The following SUSD3 variants were observed in gnomAD, a reference collection of about 807,000 sequenced individuals.
SUSD3 encodes sushi domain-containing protein 3.
In SUSD3, 18 loss-of-function variants were observed where a neutral mutation model predicts 20.6. The observed-to-expected ratio is 0.87, with a 90% confidence interval of 0.60 to 1.30. The LOEUF (loss-of-function observed/expected upper bound fraction) is 1.30. SUSD3 is among the 50% of genes most tolerant of loss of function. The pLI, the probability that SUSD3 is intolerant of heterozygous loss-of-function variation, is 0.00. For missense variants in SUSD3, 306 were observed against 346.9 expected (o/e 0.88, Z 0.94); for synonymous variants, 137 against 141.5 (o/e 0.97, Z 0.23).
chr9:93,063,663 A>G (rs1825592384), intron 1 of SUSD3, among the ~76,000 whole-genome samples: 1 of 152,096 alleles, frequency 6.6e-6, no homozygotes, highest in Non-Finnish European at 1.5e-5. Context: ...CACCCTGAGG[A>G]GGCAGGTCAG....
chr9:93,066,034 TG>T (rs1825697260), intron 1 of SUSD3, among the ~76,000 whole-genome samples: 1 of 152,152 alleles, frequency 6.6e-6, no homozygotes. Flanking sequence ...CCAGCATCCC[TG>T]GGAGGTTCTG....
intron 1 of SUSD3, among the ~76,000 whole-genome samples, chr9:93,062,697 G>A (rs1825555384): frequency 1.3e-5 from 2 of 152,146 alleles, no homozygotes; most frequent in South Asian, 4.1e-4. Flanking sequence ...GGGCTCAGGA[G>A]GTCAGTGAGG....
rs749384937 is a variant in SUSD3, at chr9:93,075,858, A to C, written c.163A>C (p.Thr55Pro). 1 of 1,609,518 alleles carries C rather than the reference A, an allele frequency of 6.2e-7. No homozygotes were observed. Among genetic ancestry groups the C allele is most frequent in the Non-Finnish European group, 8.5e-7 (1 of 1,179,124 alleles). The change falls in exon 2 of 5, where the codon ACC becomes CCC. Residue 55 changes from threonine to proline, a missense_variant. Thr to Pro is a conservative substitution (Grantham distance 38, BLOSUM62 -1). Transcript: ENST00000375472. Reference protein sequence around the residue: ...VLRGNGASVGTVLMFRCPSNH... With the variant: ...VLRGNGASVGPVLMFRCPSNH... ...TCGTGGCAATGGTGCTTCCGTGGGGACCGTGCTCATGTTCCGCTGCCCCTC... is the reference window on the plus strand; with the variant it reads ...TCGTGGCAATGGTGCTTCCGTGGGGCCCGTGCTCATGTTCCGCTGCCCCTC...
In SUSD3 at chr9:93,075,867, A is replaced by C; in HGVS notation, c.172A>C (p.Met58Leu). The C allele has an allele frequency of 6.2e-7, 1 of 1,613,266 alleles. No individual in the cohort carries two copies. Among genetic ancestry groups the C allele is most frequent in the Non-Finnish European group, 8.5e-7 (1 of 1,179,886 alleles). The part of the protein sequence containing the change: ...GNGASVGTVL[M>L]FRCPSNHQMV... Reference sequence around the variant, plus strand: ...TGGTGCTTCCGTGGGGACCGTGCTCATGTTCCGCTGCCCCTCCAACCACCA... The same window carrying C: ...TGGTGCTTCCGTGGGGACCGTGCTCCTGTTCCGCTGCCCCTCCAACCACCA... Residue 58 changes from methionine (M) to leucine (L), a missense_variant, in exon 2 of 5, where the codon ATG becomes CTG. By Grantham distance (15) the Met-to-Leu change is conservative. Coordinates refer to ENST00000375472, the MANE Select transcript of SUSD3 (RefSeq NM_145006.4).
intron 1 of SUSD3, chr9:93,069,032 T>C (rs1381963665): frequency 2.9e-6 from 2 of 684,424 alleles, no homozygotes; most frequent in Non-Finnish European, 5.4e-6. Flanking sequence ...AATATCTTAA[T>C]AGACGGTACT....
chr9:93,066,645 C>T (rs1293081256), intron 1 of SUSD3, among the ~76,000 whole-genome samples: 2 of 152,220 alleles, frequency 1.3e-5, no homozygotes, highest in African/African-American at 2.4e-5. Flanking sequence ...CTTTTTAAAT[C>T]ATAGAACTCA....
At chr9:93,078,140 C>T in intron 3 of SUSD3, 147 bp downstream of exon 3, 1 of 1,132,758 alleles carries the variant, frequency 8.8e-7, no homozygotes. Context: ...CTGCGTCTCC[C>T]CCCCAAGTGC....
intron 1 of SUSD3, among the ~76,000 whole-genome samples, chr9:93,059,519 T>C (rs12335489): frequency 0.014 from 2,130 of 152,306 alleles, 47 homozygotes; most frequent in African/African-American, 0.048. Context: ...CTGGCCTTGC[T>C]CCTTGAATGA....
intron 4 of SUSD3, among the ~76,000 whole-genome samples, chr9:93,082,590 T>C (rs149813520): frequency 0.057 from 8,632 of 152,268 alleles, 461 homozygotes; most frequent in African/African-American, 0.14. Flanking sequence ...GTGCTGGGAT[T>C]ACAGGCGTGA....
chr9:93,073,609 A>G (rs1826001158), intron 1 of SUSD3, among the ~76,000 whole-genome samples: 1 of 152,114 alleles, frequency 6.6e-6, no homozygotes, highest in South Asian at 2.1e-4. Context: ...AAATCAGGAA[A>G]TACCAGATAA....
chr9:93,077,851 C>T lies in SUSD3; in HGVS notation c.283C>T (p.Pro95Ser), dbSNP rs1826229502. Residue 95 changes from proline to serine, a missense_variant, in exon 3 of 5, where the codon CCA becomes TCA. By Grantham distance (74) the Pro-to-Ser change is moderately conservative. Coordinates refer to ENST00000375472, the MANE Select transcript of SUSD3 (RefSeq NM_145006.4). ...GGTGGTTGTCTCCCACACAGTGGTG[C>T]CACCACACGAGACCTTTGGCTTCAA... ...SSGSPVCKLVPPHETFGFKVA... is the reference protein window; with the variant it reads ...SSGSPVCKLVSPHETFGFKVA... 6.2e-6 allele frequency: 10 copies of T among 1,614,068 alleles called. No homozygotes were observed. Among genetic ancestry groups the T allele is most frequent in the Non-Finnish European group, 5.9e-6 (7 of 1,180,032 alleles).
chr9:93,077,166 T>C (rs1826199230), intron 2 of SUSD3, among the ~76,000 whole-genome samples: 1 of 152,198 alleles, frequency 6.6e-6, no homozygotes, highest in African/African-American at 2.4e-5. Context: ...CAGTAGAATC[T>C]GATGGAACTA....
chr9:93,080,318 C>CAAAAAAAAAAAAA (rs56134136), intron 4 of SUSD3, among the ~76,000 whole-genome samples: 1 of 56,752 alleles, frequency 1.8e-5, no homozygotes, highest in South Asian at 8.0e-4. Flanking sequence ...GACTCCGTCT[C>CAAAAAAAAAAAAA]AAAAAAAAAA....
Position 93,084,417 on chromosome 9 carries a change from G to T in SUSD3, c.558-120G>T, listed in dbSNP as rs1168799897. ...CCAGCAGGAGGAAACGGGCTCCCCAGTGCTCAGGGCAGCAGTTGCCCCAGG... is the reference window on the plus strand; with the variant it reads ...CCAGCAGGAGGAAACGGGCTCCCCATTGCTCAGGGCAGCAGTTGCCCCAGG... On this transcript the variant is annotated intron_variant, in intron 4 of 4. Transcript: ENST00000375472. The T allele has an allele frequency of 4.5e-6, 4 of 890,802 alleles. No individual in the cohort carries two copies. In the African/African-American group the frequency reaches 6.9e-5, roughly 15 times the overall value. 55.2% of individuals were successfully genotyped at this position (890,802 alleles called of 1,614,324 possible).
chr9:93,068,392 T>C (rs556251876), intron 1 of SUSD3, among the ~76,000 whole-genome samples: 1 of 152,338 alleles, frequency 6.6e-6, no homozygotes, highest in African/African-American at 2.4e-5. Context: ...GGGGTCCAGC[T>C]TCAGTTGTCC....
chr9:93,080,068 C>T (rs1300679974), intron 4 of SUSD3, among the ~76,000 whole-genome samples: 1 of 152,164 alleles, frequency 6.6e-6, no homozygotes, highest in Non-Finnish European at 1.5e-5. Context: ...TGGCTCACAC[C>T]TGTAATCCCA....
intron 1 of SUSD3, chr9:93,069,286 C>T: frequency 1.7e-6 from 1 of 578,898 alleles, no homozygotes; most frequent in South Asian, 2.2e-5. Context: ...TGCTTGTGTT[C>T]AGGCAACTCT....
At chr9:93,079,723 C>G in intron 4 of SUSD3, 121 bp downstream of exon 4, 1 of 1,059,160 alleles carries the variant, frequency 9.4e-7, no homozygotes, top group Non-Finnish European at 1.3e-6. Context: ...CTAGCCCACC[C>G]AGAACCTTAA....
chr9:93,079,975 C>T (rs1826342124), intron 4 of SUSD3, among the ~76,000 whole-genome samples: 1 of 152,174 alleles, frequency 6.6e-6, no homozygotes, highest in African/African-American at 2.4e-5. Context: ...TCTTAATACA[C>T]ACATACATTT....
Sources: gnomAD v4.1 joint callset for allele counts (sites outside exome capture counted in the v4.1 genomes callset) on GRCh38, gnomAD v4.1.1 for gene constraint, MANE v1.5 for transcripts, NCBI Gene and HGNC (gene_info 2026-07-23, HGNC 2026-07-21) for gene names.